The following ASIC2 variants were observed in gnomAD, a reference collection of about 807,000 sequenced individuals.
ASIC2 encodes the protein acid-sensing ion channel 2.
In ASIC2, 25 loss-of-function variants were observed where a neutral mutation model predicts 57.3. That is an observed-to-expected ratio of 0.44 (90% CI 0.32 to 0.61). The LOEUF is 0.61. ASIC2 is among the 20% of genes least tolerant of loss of function. The pLI is 0.06. For synonymous variants in ASIC2, 319 were observed against 307.5 expected (o/e 1.04, Z -0.39); for missense variants, 641 against 738.1 (o/e 0.87, Z 1.52).
At chr17:34,079,439 A>G (rs758221800) in intron 1 of ASIC2, among the ~76,000 whole-genome samples, 7 of 152,164 alleles carry the variant, frequency 4.6e-5, no homozygotes, top group Non-Finnish European at 1.0e-4. Context: ...CTCTAGGACT[A>G]TATCCTTTCA....
chr17:33,508,126 C>T (rs1914321265), intron 1 of ASIC2, among the ~76,000 whole-genome samples: 2 of 151,944 alleles, frequency 1.3e-5, no homozygotes, highest in South Asian at 4.2e-4. Context: ...GCCCTCCCCT[C>T]CCCGCTTCCT....
chr17:33,310,659 C>T (rs1906373170), intron 1 of ASIC2, among the ~76,000 whole-genome samples: 1 of 152,142 alleles, frequency 6.6e-6, no homozygotes, highest in African/African-American at 2.4e-5. Flanking sequence ...TTCTGCTGTT[C>T]TCTCTTTTAA....
intron 1 of ASIC2, among the ~76,000 whole-genome samples, chr17:33,692,898 A>T (rs540761986): frequency 2.6e-5 from 4 of 152,364 alleles, no homozygotes; most frequent in Admixed American, 1.3e-4. Context: ...AAATATCATT[A>T]TGAGATGCCT....
chr17:34,087,853 T>G (rs1405391928), intron 1 of ASIC2, among the ~76,000 whole-genome samples: 3 of 152,232 alleles, frequency 2.0e-5, no homozygotes, highest in African/African-American at 7.2e-5. Context: ...GCTTCTGCAT[T>G]CTTCACATAG....
At chr17:33,912,179 CCTAATAAA>C (rs1915483186) in intron 1 of ASIC2, among the ~76,000 whole-genome samples, 1 of 144,088 alleles carries the variant, frequency 6.9e-6, no homozygotes, top group South Asian at 2.3e-4. Context: ...ATCACTATGT[CCTAATAAA>C]CTAATAAACT....
chr17:33,588,874 T>C (rs560866614), intron 1 of ASIC2, among the ~76,000 whole-genome samples: 1 of 152,310 alleles, frequency 6.6e-6, no homozygotes, highest in African/African-American at 2.4e-5. Context: ...GTAAACTGTG[T>C]ATCATTTATG....
rs531164703 is a variant in ASIC2, at chr17:34,097,660, T to C, written c.555+58318A>G. 2.6e-5 allele frequency among the ~76,000 whole-genome samples: 4 copies of C among 152,332 alleles called. No homozygotes were observed. The South Asian group carries it at 8.3e-4, about 32-fold the overall frequency. ...CTTCTAATTGTTATATCACTAGTTTTTTTGTGGTTTTTTAAAGATATTTTT... is the reference window on the plus strand; with the variant it reads ...CTTCTAATTGTTATATCACTAGTTTCTTTGTGGTTTTTTAAAGATATTTTT... On this transcript the variant is annotated intron_variant, in intron 1 of 9. Coordinates refer to the ASIC2 transcript ENST00000359872.
intron 1 of ASIC2, chr17:34,005,300 G>C (rs976134878): frequency 2.6e-5 from 4 of 152,110 alleles, no homozygotes; most frequent in African/African-American, 9.7e-5. Flanking sequence ...TGCCAGTGGG[G>C]CTCACCTACA....
At chr17:34,105,061 C>A (rs1910994421) in intron 1 of ASIC2, among the ~76,000 whole-genome samples, 1 of 152,002 alleles carries the variant, frequency 6.6e-6, no homozygotes. Flanking sequence ...TGTGAAGGCA[C>A]TGGAACCAAG....
chr17:33,151,407 T>A (rs2142030032), intron 1 of ASIC2, among the ~76,000 whole-genome samples: 1 of 151,886 alleles, frequency 6.6e-6, no homozygotes, highest in South Asian at 2.1e-4. Flanking sequence ...AAGAGTGAAG[T>A]CATTCCTGCT....
intron 1 of ASIC2, among the ~76,000 whole-genome samples, chr17:33,579,560 G>C (rs185034487): frequency 5.3e-5 from 8 of 152,294 alleles, no homozygotes; most frequent in South Asian, 2.1e-4. Context: ...TGAAAGGGCA[G>C]ACCCTACTGG....
chr17:34,081,141 C>A (rs1208649511), intron 1 of ASIC2, among the ~76,000 whole-genome samples: 1 of 152,124 alleles, frequency 6.6e-6, no homozygotes, highest in Non-Finnish European at 1.5e-5. Flanking sequence ...TGCACTGAAA[C>A]CCCCTGGGGC....
rs149819195 is a variant in ASIC2 at position 33,471,448 on chromosome 17, T to C, written c.556-359381A>G. 5.5e-4 allele frequency among the ~76,000 whole-genome samples: 84 copies of C among 152,312 alleles called. 1 individual carries two copies. The East Asian group carries it at 0.014, about 26-fold the overall frequency. ...GTCAAATCATTTGTGTTAGAAATAG[T>C]AAGAGGTGAGATGCTAGAAATGAAG... On this transcript the variant is annotated intron_variant, in intron 1 of 9. Coordinates refer to the ASIC2 transcript ENST00000359872.
intron 1 of ASIC2, among the ~76,000 whole-genome samples, chr17:33,536,133 G>T (rs1244963571): frequency 6.6e-6 from 1 of 152,172 alleles, no homozygotes; most frequent in Admixed American, 6.5e-5. Context: ...GTGAAGGCTG[G>T]GGAGTATACG....
intron 1 of ASIC2, among the ~76,000 whole-genome samples, chr17:33,114,941 A>G (rs571579111): frequency 6.6e-6 from 1 of 152,268 alleles, no homozygotes; most frequent in South Asian, 2.1e-4. Context: ...CTGAACTTCA[A>G]TTGATCATTG....
At chr17:33,429,066 G>A (rs8064324) in intron 1 of ASIC2, among the ~76,000 whole-genome samples, 6,870 of 152,232 alleles carry the variant, frequency 0.045, 501 homozygotes, top group African/African-American at 0.16. Context: ...GCTCACCCAG[G>A]TGATCTCAGC....
intron 1 of ASIC2, among the ~76,000 whole-genome samples, chr17:33,347,923 G>A (rs937660037): frequency 5.3e-5 from 8 of 152,278 alleles, no homozygotes; most frequent in Admixed American, 3.9e-4. Flanking sequence ...CCAACATGGT[G>A]AAACCCTATC....
At chr17:33,437,310 G>C (rs1911659654) in intron 1 of ASIC2, among the ~76,000 whole-genome samples, 1 of 151,894 alleles carries the variant, frequency 6.6e-6, no homozygotes, top group South Asian at 2.1e-4. Context: ...TTTTTAAATG[G>C]GCAAGACTAA....
At chr17:33,119,243 A>G (rs1014435374) in intron 1 of ASIC2, among the ~76,000 whole-genome samples, 2 of 152,190 alleles carry the variant, frequency 1.3e-5, no homozygotes, top group East Asian at 3.8e-4. Flanking sequence ...TTACACGTGA[A>G]GGAAATGAAA....
Sources: allele counts gnomAD v4.1 joint callset (sites outside exome capture counted in the v4.1 genomes callset), GRCh38; gene constraint gnomAD v4.1.1; transcripts MANE v1.5; gene names NCBI Gene and HGNC (gene_info 2026-07-23, HGNC 2026-07-21).